The following VWA3B variants were observed in gnomAD, a reference collection of about 807,000 sequenced individuals.
The protein encoded by VWA3B is von Willebrand factor A domain containing 3B, also known as von Willebrand factor A domain-containing protein 3B.
VWA3B carries 138 observed loss-of-function variants against 158.3 expected under a neutral mutation model. The observed-to-expected ratio is 0.87, with a 90% CI of 0.76 to 1.00. The LOEUF (loss-of-function observed/expected upper bound fraction) is 1.00, where lower values mean the gene tolerates loss of function less well. Among genes scored for constraint, VWA3B ranks in the 50% least tolerant of loss-of-function variants. The pLI is 0.00. For synonymous variants in VWA3B, 596 were observed against 587.3 expected (o/e 1.01, Z -0.21); for missense variants, 1,555 against 1,565.1 (o/e 0.99, Z 0.11).
intron 12 of VWA3B, among the ~76,000 whole-genome samples, chr2:98,205,179 G>A (rs1682913111): frequency 6.6e-6 from 1 of 152,086 alleles, no homozygotes; most frequent in Admixed American, 6.5e-5. Flanking sequence ...CTTTTCAGGG[G>A]CTTTTTAATT....
chr2:98,220,940 G>A (rs1684444714), intron 14 of VWA3B, among the ~76,000 whole-genome samples: 2 of 152,090 alleles, frequency 1.3e-5, no homozygotes. Context: ...TGGACACAGG[G>A]AGGGGAACAT....
chr2:98,153,161 T>A (rs1425946874), intron 7 of VWA3B, among the ~76,000 whole-genome samples: 2 of 152,218 alleles, frequency 1.3e-5, no homozygotes, highest in Non-Finnish European at 2.9e-5. Flanking sequence ...CCCTGCTCAT[T>A]GTTTAGAACT....
intron 22 of VWA3B, among the ~76,000 whole-genome samples, chr2:98,279,902 G>C (rs192786302): frequency 9.2e-5 from 14 of 152,260 alleles, no homozygotes; most frequent in African/African-American, 3.4e-4. Flanking sequence ...GCGTGAGTGG[G>C]GGCGGAATAG....
At chr2:98,329,569 T>G in the VWA3B span, among the ~76,000 whole-genome samples, 1 of 151,644 alleles carries the variant, frequency 6.6e-6, no homozygotes, top group South Asian at 2.1e-4. Flanking sequence ...ACATGAAGAG[T>G]AGATCTCCAT....
intron 7 of VWA3B, among the ~76,000 whole-genome samples, chr2:98,146,624 G>T (rs1677194894): frequency 6.6e-6 from 1 of 152,188 alleles, no homozygotes; most frequent in Non-Finnish European, 1.5e-5. Flanking sequence ...AGCTGCCACA[G>T]CCCTTTTGAC....
intron 11 of VWA3B, among the ~76,000 whole-genome samples, chr2:98,193,938 T>G (rs1574044582): frequency 6.6e-6 from 1 of 152,162 alleles, no homozygotes. Context: ...TATGAACAAG[T>G]GTATAAAGTT....
chr2:98,126,052 C>T (rs1443714033), intron 5 of VWA3B, among the ~76,000 whole-genome samples: 1 of 152,018 alleles, frequency 6.6e-6, no homozygotes, highest in African/African-American at 2.4e-5. Flanking sequence ...TAGGTGGTCT[C>T]AATGTAAAGC....
At chr2:98,200,554 A>G (rs962976645) in intron 12 of VWA3B, among the ~76,000 whole-genome samples, 1 of 152,106 alleles carries the variant, frequency 6.6e-6, no homozygotes, top group Admixed American at 6.5e-5. Context: ...AAAAAAAAAA[A>G]AAAAAAAGAC....
chr2:98,285,043 T>C (rs1689084848), intron 22 of VWA3B, among the ~76,000 whole-genome samples: 1 of 152,196 alleles, frequency 6.6e-6, no homozygotes, highest in East Asian at 1.9e-4. Context: ...AAAAAAGATT[T>C]GTAGAAGTAT....
At chr2:98,198,542 A>C (rs886824100) in intron 12 of VWA3B, among the ~76,000 whole-genome samples, 19 of 70,956 alleles carry the variant, frequency 2.7e-4, no homozygotes, top group Non-Finnish European at 3.6e-4. Context: ...TTTAATTTGC[A>C]TGCAGTAAAA....
At chr2:98,282,502 A>T (rs1193017792) in intron 22 of VWA3B, among the ~76,000 whole-genome samples, 3 of 137,632 alleles carry the variant, frequency 2.2e-5, no homozygotes, top group East Asian at 2.1e-4. Flanking sequence ...CAGTGGTATG[A>T]TCTCGGCTCA....
intron 13 of VWA3B, among the ~76,000 whole-genome samples, chr2:98,215,134 A>G (rs1372054804): frequency 1.3e-5 from 2 of 152,130 alleles, no homozygotes; most frequent in African/African-American, 4.8e-5. Flanking sequence ...ATGGAGAATC[A>G]AGGATATGGA....
intron 12 of VWA3B, among the ~76,000 whole-genome samples, chr2:98,205,257 G>A (rs1396989179): frequency 6.6e-6 from 1 of 152,164 alleles, no homozygotes; most frequent in African/African-American, 2.4e-5. Flanking sequence ...TAGAGTTTTG[G>A]TAGTTTGTGG....
intron 23 of VWA3B, among the ~76,000 whole-genome samples, chr2:98,293,575 C>T (rs1689621865): frequency 6.6e-6 from 1 of 152,122 alleles, no homozygotes; most frequent in Non-Finnish European, 1.5e-5. Context: ...CCAGATTTGC[C>T]AATTTTTAAC....
intron 8 of VWA3B, among the ~76,000 whole-genome samples, chr2:98,168,811 TA>T (rs530108851): frequency 3.9e-5 from 6 of 151,988 alleles, no homozygotes; most frequent in African/African-American, 1.4e-4. Flanking sequence ...AAAAAAGATT[TA>T]AAAAAACCCG....
intron 7 of VWA3B, 168 bp downstream of exon 7, chr2:98,134,107 C>T (rs946287515): frequency 6.4e-6 from 4 of 625,312 alleles, no homozygotes; most frequent in South Asian, 2.0e-5. Context: ...AGTTTGTCAG[C>T]GTAGCAACCA....
chr2:98,312,179 T>C, intron 27 of VWA3B, 21 bp from the exon 28 acceptor site: 1 of 1,614,138 alleles, frequency 6.2e-7, no homozygotes. Flanking sequence ...CCTTAAGTAA[T>C]GCTGAACTCT....
chr2:98,321,223 C>A, the VWA3B span, among the ~76,000 whole-genome samples: 1 of 152,202 alleles, frequency 6.6e-6, no homozygotes, highest in Admixed American at 6.5e-5. Flanking sequence ...TTTGGAAATG[C>A]CTGGATGCCC....
chr2:98,297,577 T>C (rs1445163720), intron 23 of VWA3B, among the ~76,000 whole-genome samples: 1 of 152,028 alleles, frequency 6.6e-6, no homozygotes, highest in East Asian at 1.9e-4. Flanking sequence ...AAATATCAGG[T>C]GGTAGGAGGT....
Sources: allele counts gnomAD v4.1 joint callset (sites outside exome capture counted in the v4.1 genomes callset), GRCh38; gene constraint gnomAD v4.1.1; transcripts MANE v1.5; gene names NCBI Gene and HGNC (gene_info 2026-07-23, HGNC 2026-07-21).